RERG: variants seen among roughly 807,000 people sequenced by gnomAD.
The protein encoded by RERG is RAS like estrogen regulated growth inhibitor, also known as ras-related and estrogen-regulated growth inhibitor.
A neutral mutation model predicts 23.2 loss-of-function variants in RERG; 25 were observed. That is an observed-to-expected ratio of 1.08 (90% CI 0.79 to 1.50). The LOEUF (loss-of-function observed/expected upper bound fraction) is 1.50. RERG is among the 40% of genes most tolerant of loss of function. RERG has a pLI of 0.00. For missense variants in RERG, 253 were observed against 250.1 expected (o/e 1.01, Z -0.08); for synonymous variants, 81 against 89.1 (o/e 0.91, Z 0.51).
At chr12:15,146,810 G>A (rs2136105070) in intron 2 of RERG, among the ~76,000 whole-genome samples, 1 of 152,318 alleles carries the variant, frequency 6.6e-6, no homozygotes, top group Non-Finnish European at 1.5e-5. Flanking sequence ...TGAGCAGGCA[G>A]CTTCCCAAGT....
chr12:15,143,200 C>A (rs76897634), intron 2 of RERG, among the ~76,000 whole-genome samples: 2 of 151,832 alleles, frequency 1.3e-5, no homozygotes, highest in Non-Finnish European at 2.9e-5. Context: ...AAAGAAAATT[C>A]GACGGTAATT....
intron 2 of RERG, among the ~76,000 whole-genome samples, chr12:15,189,761 T>C (rs1490409851): frequency 6.6e-6 from 1 of 152,156 alleles, no homozygotes; most frequent in East Asian, 1.9e-4. Context: ...GAAAGGACTT[T>C]GCATTACCTT....
chr12:15,221,391 C>G lies in RERG; in HGVS notation c.-311G>C, dbSNP rs533697761. The stretch of plus-strand genomic sequence containing the variant: ...CGGCGGGGGTCTCCTCACTCGCGCT[C>G]GCTCCGACTAGCGGCGGAGGGACTG... On this transcript the variant is annotated 5_prime_UTR_variant, in exon 1 of 5. Transcript: ENST00000256953. 3 of 152,260 alleles carry G rather than the reference C, an allele frequency of 2.0e-5. No individual in the cohort carries two copies. The highest frequency in any genetic ancestry group is 4.4e-5 in the Non-Finnish European group (3 of 68,080). The allele number at this position is 152,260 out of a possible 1,614,324, so 9.4% of individuals were successfully genotyped here.
chr12:15,133,642 C>A (rs1205134880), intron 2 of RERG, among the ~76,000 whole-genome samples: 2 of 151,766 alleles, frequency 1.3e-5, no homozygotes, highest in Non-Finnish European at 2.9e-5. Context: ...AGCAAGAGTA[C>A]CTTTAGCTTT....
intron 2 of RERG, among the ~76,000 whole-genome samples, chr12:15,130,322 G>A (rs1864023901): frequency 6.6e-6 from 1 of 152,178 alleles, no homozygotes; most frequent in Non-Finnish European, 1.5e-5. Flanking sequence ...TTAAGTAGAA[G>A]AGGACTTAAC....
At chr12:15,113,286 T>C (rs2417415) in intron 3 of RERG, among the ~76,000 whole-genome samples, 105,290 of 151,804 alleles carry the variant, frequency 0.69, 36,749 homozygotes, top group African/African-American at 0.76. Context: ...AAATTCAAGA[T>C]AATATAAGAA....
chr12:15,123,915 C>T (rs1591636635), intron 2 of RERG, among the ~76,000 whole-genome samples: 1 of 152,068 alleles, frequency 6.6e-6, no homozygotes, highest in African/African-American at 2.4e-5. Context: ...CCTGAACAAC[C>T]CCTGCCTTTC....
chr12:15,176,494 C>T (rs1047937585), intron 2 of RERG, among the ~76,000 whole-genome samples: 5 of 152,012 alleles, frequency 3.3e-5, no homozygotes, highest in East Asian at 1.9e-4. Flanking sequence ...GCAGGACATA[C>T]GAGGGCTTTC....
intron 2 of RERG, among the ~76,000 whole-genome samples, chr12:15,143,766 A>G (rs1382091151): frequency 6.6e-6 from 1 of 152,210 alleles, no homozygotes; most frequent in Admixed American, 6.5e-5. Flanking sequence ...TGCTATGAAG[A>G]AAAGTAAAGC....
chr12:15,218,947 T>C (rs573145841), intron 1 of RERG, among the ~76,000 whole-genome samples: 5 of 152,276 alleles, frequency 3.3e-5, no homozygotes, highest in African/African-American at 1.2e-4. Flanking sequence ...GTAAATTCCC[T>C]GAGATTTTCA....
chr12:15,165,221 C>T (rs1458015169), intron 2 of RERG, among the ~76,000 whole-genome samples: 1 of 152,158 alleles, frequency 6.6e-6, no homozygotes, highest in African/African-American at 2.4e-5. Context: ...CACTCAAAGA[C>T]AGCAAATTAC....
intron 2 of RERG, among the ~76,000 whole-genome samples, chr12:15,165,703 GGGA>G (rs1156984059): frequency 6.6e-6 from 1 of 152,212 alleles, no homozygotes; most frequent in Non-Finnish European, 1.5e-5. Flanking sequence ...GTAAGTACCA[GGGA>G]GAGCCAAAGA....
At chr12:15,208,647 A>T (rs1329143891) in intron 2 of RERG, among the ~76,000 whole-genome samples, 1 of 152,196 alleles carries the variant, frequency 6.6e-6, no homozygotes, top group African/African-American at 2.4e-5. Context: ...CTAGAACTCA[A>T]AATTGGTGCT....
intron 2 of RERG, among the ~76,000 whole-genome samples, chr12:15,213,223 C>T (rs1865393190): frequency 6.6e-6 from 1 of 152,208 alleles, no homozygotes; most frequent in Non-Finnish European, 1.5e-5. Flanking sequence ...GTTTCTCTAT[C>T]AGCCCCCTCC....
intron 2 of RERG, among the ~76,000 whole-genome samples, chr12:15,134,950 T>C (rs1864118618): frequency 1.3e-5 from 2 of 152,192 alleles, no homozygotes; most frequent in African/African-American, 4.8e-5. Flanking sequence ...ATATCCACGA[T>C]ACAATTTGCT....
chr12:15,109,501 C>T lies in RERG; in HGVS notation c.209G>A (p.Arg70Lys). 6.2e-7 allele frequency: 1 copy of T among 1,602,204 alleles called. No individual in the cohort carries two copies. The highest frequency in any genetic ancestry group is 8.5e-7 in the Non-Finnish European group (1 of 1,172,386). The change falls in exon 5 of 5, where the codon AGG becomes AAG. Residue 70 changes from arginine (R) to lysine (K), a missense_variant. Physicochemically the swap from Arg to Lys is conservative, Grantham distance 26. Transcript: ENST00000256953. The stretch of plus-strand genomic sequence containing the variant: ...TTCCCCCCATCGCATGTGCCCCTCC[C>T]TCTGAATGGTATCTTCCTGTTGGCA... ...DTAGQEDTIQ[R>K]EGHMRWGEGF...
chr12:15,173,753 T>C (rs374095002), intron 2 of RERG, among the ~76,000 whole-genome samples: 5 of 151,002 alleles, frequency 3.3e-5, no homozygotes, highest in African/African-American at 9.7e-5. Flanking sequence ...AAAATTGTTT[T>C]CTTAATTTCA....
chr12:15,130,455 A>G (rs1864026391), intron 2 of RERG, among the ~76,000 whole-genome samples: 1 of 152,212 alleles, frequency 6.6e-6, no homozygotes, highest in African/African-American at 2.4e-5. Flanking sequence ...CCAGGGGACA[A>G]ATATCTCTTC....
At chr12:15,133,283 C>T (rs1356618335) in intron 2 of RERG, among the ~76,000 whole-genome samples, 1 of 151,528 alleles carries the variant, frequency 6.6e-6, no homozygotes, top group African/African-American at 2.4e-5. Flanking sequence ...AATCTCTGAT[C>T]GTTTTACTGT....
Sources: allele counts gnomAD v4.1 joint callset (sites outside exome capture counted in the v4.1 genomes callset), GRCh38; gene constraint gnomAD v4.1.1; transcripts MANE v1.5; gene names NCBI Gene and HGNC (gene_info 2026-07-23, HGNC 2026-07-21).